The following XIRP1 variants were observed in gnomAD, a reference collection of about 807,000 sequenced individuals.
XIRP1 encodes xin actin binding repeat containing 1.
For synonymous variants in XIRP1, 984 were observed against 947.0 expected, an observed-to-expected ratio of 1.04 and a Z score of -0.72; for missense variants, 2,378 against 2,345.4, an observed-to-expected ratio of 1.01 and a Z score of -0.29.
rs2040046246 is a variant in XIRP1 at position 39,189,115 on chromosome 3, T to C, written c.331A>G (p.Arg111Gly). 9.9e-6 allele frequency: 16 copies of C among 1,614,096 alleles called. No homozygotes were observed. Among genetic ancestry groups the C allele is most frequent in the Non-Finnish European group, 1.3e-5 (15 of 1,180,024 alleles). Residue 111 changes from arginine (R) to glycine (G), a missense_variant, in exon 2 of 2, where the codon AGG becomes GGG. Arg to Gly is a moderately radical substitution (Grantham distance 125, BLOSUM62 -2). Coordinates refer to ENST00000340369, the MANE Select transcript of XIRP1 (RefSeq NM_194293.4). ...AGCACGGGCTCCTTGGCAGCTGGCC[T>C]CTCGTGTTCTCCAATGGCATCCAGT... is the stretch of plus-strand genomic sequence containing the variant. ...WRLDAIGEHE[R>G]PAAKEPVLCG...
chr3:39,189,527 T>C lies in XIRP1; in HGVS notation c.-80-2A>G. The C allele has an allele frequency of 6.6e-7, 1 of 1,514,142 alleles. No individual in the cohort carries two copies. Among genetic ancestry groups the C allele is most frequent in the Admixed American group, 2.2e-5 (1 of 44,534 alleles). The allele number at this position is 1,514,142 out of a possible 1,614,324, so 93.8% of individuals were successfully genotyped here. ...GTTCAGCAGGGTAGAGGCTGGATGCTGGGAGAAATGGTAGTAAACAGGGCT... is the reference window on the plus strand; with the variant it reads ...GTTCAGCAGGGTAGAGGCTGGATGCCGGGAGAAATGGTAGTAAACAGGGCT... On this transcript the variant is annotated splice_acceptor_variant, in intron 1 of 1. Coordinates refer to ENST00000340369, the MANE Select transcript of XIRP1 (RefSeq NM_194293.4). LOFTEE classifies it low-confidence loss of function (5UTR_SPLICE).
chr3:39,189,716 C>T (rs2040061237), intron 1 of XIRP1, among the ~76,000 whole-genome samples, 191 bp from the exon 2 acceptor site: 1 of 152,184 alleles, frequency 6.6e-6, no homozygotes, highest in Non-Finnish European at 1.5e-5. Flanking sequence ...TTCCCTACAT[C>T]TCATGCGTTG....
In XIRP1 at chr3:39,188,011, T is replaced by C; in HGVS notation, c.1435A>G (p.Ile479Val). 1.9e-6 allele frequency: 3 copies of C among 1,614,230 alleles called. No individual in the cohort carries two copies. The highest frequency in any genetic ancestry group is 2.2e-5 in the East Asian group (1 of 44,880). ...TGCATGGCATACACTGGGGACCCTA[T>C]GCCCTGGGCCTGCCCAGCAGAATCA... ...GTDSAGQAQG[I>V]GSPVYAMQDS... Residue 479 changes from isoleucine to valine, a missense_variant, in exon 2 of 2, where the codon ATA becomes GTA. Physicochemically the swap from Ile to Val is conservative, Grantham distance 29. Coordinates refer to ENST00000340369, the MANE Select transcript of XIRP1 (RefSeq NM_194293.4).
At position 39,185,260 on chromosome 3, in the gene XIRP1, G is replaced by C. The variant is rs143025538; in HGVS notation, c.4186C>G (p.Gln1396Glu). ...PLARCPSGHSQPSLQHGLSTT... is the reference protein window; with the variant it reads ...PLARCPSGHSEPSLQHGLSTT... ...CTGAGGCCATGTTGTAAGCTGGGCT[G>C]GCTATGTCCACTGGGACATCTGGCC... Residue 1396 changes from glutamine to glutamate, a missense_variant, in exon 2 of 2, where the codon CAG (glutamine) becomes GAG (glutamate). Physicochemically the swap from Gln to Glu is conservative, Grantham distance 29. Coordinates refer to ENST00000340369, the MANE Select transcript of XIRP1 (RefSeq NM_194293.4). 294 of 1,614,248 alleles carry C rather than the reference G, an allele frequency of 1.8e-4. 2 individuals are homozygous for C. The highest frequency in any genetic ancestry group is 1.7e-3 in the East Asian group (75 of 44,878).
At position 39,188,930 on chromosome 3, in the gene XIRP1, G is replaced by A. The variant is rs368284104; in HGVS notation, c.516C>T (p.Ala172=). The A allele has an allele frequency of 4.3e-6, 7 of 1,613,542 alleles. No individual in the cohort carries two copies. Among genetic ancestry groups the A allele is most frequent in the Non-Finnish European group, 5.9e-6 (7 of 1,180,008 alleles). ...CCCTCACAGTGGCCTCCAGTTCCTT[G>A]GCTTGCCCTGTCAGCTCGTCCAGTG... ...TKPLDELTGQ[A]KELEATVREP... The change falls in exon 2 of 2, where the codon GCC becomes GCT. Residue 172 remains alanine, a synonymous_variant. Coordinates refer to ENST00000340369, the MANE Select transcript of XIRP1 (RefSeq NM_194293.4).
chr3:39,189,440 G>C lies in XIRP1; in HGVS notation c.6C>G (p.Ala2=). 2 of 1,583,550 alleles carry C rather than the reference G, an allele frequency of 1.3e-6. No individual in the cohort carries two copies. Among genetic ancestry groups the C allele is most frequent in the Middle Eastern group, 1.7e-4 (1 of 5,888 alleles). M[A]DTQTQVAPTP... is the part of the protein sequence containing the mutation. ...TGGGGGCCACCTGTGTCTGGGTGTC[G>C]GCCATCCTTCTGAGAAGAAGGGGCA... is the stretch of plus-strand genomic sequence containing the variant. The change falls in exon 2 of 2, where the codon GCC becomes GCG. Residue 2 remains alanine (A), a synonymous_variant. Transcript: ENST00000340369.
Position 39,186,873 on chromosome 3 carries a change from T to C in XIRP1, c.2573A>G (p.Lys858Arg). 1 of 1,613,898 alleles carries C rather than the reference T, an allele frequency of 6.2e-7. No homozygotes were observed. Among genetic ancestry groups the C allele is most frequent in the South Asian group, 1.1e-5 (1 of 91,084 alleles). Reference protein sequence around the residue: ...QEDPTGQLQLKPLRLPTPGSS... With the variant: ...QEDPTGQLQLRPLRLPTPGSS... Reference sequence around the variant, plus strand: ...GCCTGGAGTTGGCAGCCTCAGCGGCTTGAGTTGGAGCTGGCCAGTTGGGTC... The same window carrying C: ...GCCTGGAGTTGGCAGCCTCAGCGGCCTGAGTTGGAGCTGGCCAGTTGGGTC... The change falls in exon 2 of 2, where the codon AAG (lysine) becomes AGG (arginine). Residue 858 changes from lysine (K) to arginine (R), a missense_variant. By Grantham distance (26) the Lys-to-Arg change is conservative (BLOSUM62 2). Transcript: ENST00000340369.
Position 39,188,870 on chromosome 3 carries a change from C to G in XIRP1, c.576G>C (p.Arg192Ser), listed in dbSNP as rs746475836. The change falls in exon 2 of 2, where the codon AGG becomes AGC. Residue 192 changes from arginine (R) to serine (S), a missense_variant. Coordinates refer to ENST00000340369, the MANE Select transcript of XIRP1 (RefSeq NM_194293.4). Reference sequence around the variant, plus strand: ...CCAGCGGCCGCGTCTCAAAGAGCATCCTGGTACCCTGCACATCTCCGCTGG... The same window carrying G: ...CCAGCGGCCGCGTCTCAAAGAGCATGCTGGTACCCTGCACATCTCCGCTGG... The part of the protein sequence containing the change: ...PAASGDVQGT[R>S]MLFETRPLDR... The G allele has an allele frequency of 3.1e-6, 5 of 1,612,772 alleles. No individual in the cohort carries two copies. Among genetic ancestry groups the G allele is most frequent in the Non-Finnish European group, 4.2e-6 (5 of 1,180,044 alleles).
rs778104421 is a variant in XIRP1 at position 39,187,874 on chromosome 3, G to A, written c.1572C>T (p.Leu524=). ...WMFETQPLDQ[L]GRSPSTIDVV... is the part of the protein sequence containing the mutation. ...CGTCGATGGTACTGGGGCTTCGGCCGAGCTGGTCTAGGGGCTGTGTCTCAA... is the reference window on the plus strand; with the variant it reads ...CGTCGATGGTACTGGGGCTTCGGCCAAGCTGGTCTAGGGGCTGTGTCTCAA... Residue 524 remains leucine (L), a synonymous_variant, in exon 2 of 2, where the codon CTC becomes CTT. Transcript: ENST00000340369. The A allele has an allele frequency of 8.7e-6, 14 of 1,614,190 alleles. No homozygotes were observed. The highest frequency in any genetic ancestry group is 3.3e-4 in the Middle Eastern group (2 of 6,062).
chr3:39,188,459 G>A lies in XIRP1; in HGVS notation c.987C>T (p.Phe329=), dbSNP rs2040028254. 3 of 1,602,164 alleles carry A rather than the reference G, an allele frequency of 1.9e-6. No individual in the cohort carries two copies. Among genetic ancestry groups the A allele is most frequent in the Non-Finnish European group, 2.6e-6 (3 of 1,171,944 alleles). The change falls in exon 2 of 2, where the codon TTC becomes TTT. Residue 329 remains phenylalanine (F), a synonymous_variant. Transcript: ENST00000340369. ...GTGGGATAAGGTCTGGGGATGGCTG[G>A]AAGTCCTTCTCATCTACCAAGATCT... ...IREILVDEKD[F]QPSPDLIPPG...
rs1384171351 is a variant in XIRP1 at position 39,192,456 on chromosome 3, T to C, written c.-91A>G. 1 of 152,360 alleles carries C rather than the reference T, an allele frequency of 6.6e-6. No homozygotes were observed. Among genetic ancestry groups the C allele is most frequent in the African/African-American group, 2.4e-5 (1 of 41,468 alleles). 9.4% of individuals were successfully genotyped at this position (152,360 alleles called of 1,614,324 possible). ...AGGTAGGTTACTCACCAAGGGTCTCTCTTGGCTGATGGGGTGTTTGTGGTC... is the reference window on the plus strand; with the variant it reads ...AGGTAGGTTACTCACCAAGGGTCTCCCTTGGCTGATGGGGTGTTTGTGGTC... On this transcript the variant is annotated 5_prime_UTR_variant, in exon 1 of 2. Transcript: ENST00000340369.
At chr3:39,190,531 C>A (rs2040073260) in intron 1 of XIRP1, among the ~76,000 whole-genome samples, 1 of 152,080 alleles carries the variant, frequency 6.6e-6, no homozygotes, top group East Asian at 1.9e-4. Context: ...CTCCTGGATA[C>A]CGCTCTCTAA....
In XIRP1 at chr3:39,184,195, C is replaced by A. The variant is rs901145112; in HGVS notation, c.5251G>T (p.Glu1751Ter). The change falls in exon 2 of 2, where the codon GAG becomes TAG. Residue 1751 changes from glutamate (E) to a stop codon, truncating the protein, a stop_gained. Transcript: ENST00000340369. LOFTEE classifies it low-confidence loss of function (END_TRUNC). Reference sequence around the variant, plus strand: ...GAGCTCCCTGGCCCCGTCTGTAGCTCCAGAACACTCTTTTGCCACCCTCTG... The same window carrying A: ...GAGCTCCCTGGCCCCGTCTGTAGCTACAGAACACTCTTTTGCCACCCTCTG... Reference protein sequence around the residue: ...LPRGWQKSVLELQTGPGSSQH... With the variant: ...LPRGWQKSVL 3.7e-6 allele frequency: 6 copies of A among 1,614,112 alleles called. No individual in the cohort carries two copies. In the Admixed American group the frequency reaches 6.7e-5, roughly 18 times the overall value.
rs531139529 is a variant in XIRP1 at position 39,185,304 on chromosome 3, T to A, written c.4142A>T (p.Asp1381Val). 1.2e-6 allele frequency: 2 copies of A among 1,614,174 alleles called. No homozygotes were observed. Among genetic ancestry groups the A allele is most frequent in the South Asian group, 2.2e-5 (2 of 91,078 alleles). The change falls in exon 2 of 2, where the codon GAC becomes GTC. Residue 1381 changes from aspartate to valine, a missense_variant. By Grantham distance (152) the Asp-to-Val change is radical. Coordinates refer to ENST00000340369, the MANE Select transcript of XIRP1 (RefSeq NM_194293.4). ...TCTGGCCAGAGGTATGTGGCCCTGG[T>A]CTACAGTAGTGGGAACCTTGGCTGG... ...PQPAKVPTTV[D>V]QGHIPLARCP...
intron 1 of XIRP1, 59 bp from the exon 2 acceptor site, chr3:39,189,584 T>C: frequency 7.6e-7 from 1 of 1,315,192 alleles, no homozygotes; most frequent in South Asian, 1.5e-5. Flanking sequence ...TGACTTACGC[T>C]TAGAGACTCC....
At position 39,184,416 on chromosome 3, in the gene XIRP1, G is replaced by T. The variant is rs762312713; in HGVS notation, c.5030C>A (p.Ser1677Ter). 6.2e-7 allele frequency: 1 copy of T among 1,614,132 alleles called. No homozygotes were observed. Among genetic ancestry groups the T allele is most frequent in the South Asian group, 1.1e-5 (1 of 91,068 alleles). ...AGTCTCTAGAGGCTTCCTTGTGGCC[G>T]ACTGGATGGAGATAAATGTTGGGGA... The part of the protein sequence containing the change: ...PSSPTFISIQ[S>*]ATRKPLETPS... Residue 1677 changes from serine (S) to a stop codon, truncating the protein, a stop_gained, in exon 2 of 2, where the codon TCG (serine) becomes TAG (stop). Coordinates refer to ENST00000340369, the MANE Select transcript of XIRP1 (RefSeq NM_194293.4). LOFTEE classifies it low-confidence loss of function (END_TRUNC).
chr3:39,184,359 A>G lies in XIRP1; in HGVS notation c.5087T>C (p.Val1696Ala). 1 of 1,614,102 alleles carries G rather than the reference A, an allele frequency of 6.2e-7. No homozygotes were observed. Among genetic ancestry groups the G allele is most frequent in the Non-Finnish European group, 8.5e-7 (1 of 1,180,030 alleles). ...PSFKGNPDVS[V>A]KSTQLAQDIG... ...GTCCTGAGCCAGTTGTGTGCTTTTC[A>G]CTGAGACATCAGGGTTGCCCTTAAA... The change falls in exon 2 of 2, where the codon GTG becomes GCG. Residue 1696 changes from valine to alanine, a missense_variant. Physicochemically the swap from Val to Ala is moderately conservative, Grantham distance 64. Transcript: ENST00000340369.
chr3:39,185,720 A>C lies in XIRP1; in HGVS notation c.3726T>G (p.Ala1242=), dbSNP rs774896756. Residue 1242 remains alanine, a synonymous_variant, in exon 2 of 2, where the codon GCT becomes GCG. Transcript: ENST00000340369. ...GRHILASGPQ[A]AGASPHPHNA... ...TATGGGGGTGCGGGCTGGCACCTGCAGCTTGGGGCCCAGAGGCCAGAATGT... is the reference window on the plus strand; with the variant it reads ...TATGGGGGTGCGGGCTGGCACCTGCCGCTTGGGGCCCAGAGGCCAGAATGT... The C allele has an allele frequency of 7.5e-6, 12 of 1,609,952 alleles. No individual in the cohort carries two copies. In the Admixed American group the frequency reaches 1.5e-4, roughly 20 times the overall value.
intron 1 of XIRP1, among the ~76,000 whole-genome samples, chr3:39,190,775 G>T (rs985858793): frequency 6.6e-6 from 1 of 152,110 alleles, no homozygotes; most frequent in African/African-American, 2.4e-5. Flanking sequence ...GGAAGCACGT[G>T]CCCCCTCCTG....
Sources: allele counts gnomAD v4.1 joint callset (sites outside exome capture counted in the v4.1 genomes callset), GRCh38; gene constraint gnomAD v4.1.1; transcripts MANE v1.5; gene names NCBI Gene and HGNC (gene_info 2026-07-23, HGNC 2026-07-21).